The following EXOC4 variants were observed in gnomAD, a reference collection of about 807,000 sequenced individuals.
EXOC4 encodes the protein exocyst complex component 4.
Under a neutral mutation model 107.2 loss-of-function variants are expected in EXOC4, and 71 were observed. The observed-to-expected ratio is 0.66, with a 90% CI of 0.55 to 0.81. EXOC4 has a LOEUF of 0.81. Among genes scored for constraint, EXOC4 ranks in the 30% least tolerant of loss-of-function variants. The pLI is 0.00. For missense variants in EXOC4, 1,108 were observed against 1,189.6 expected (o/e 0.93, Z 1.01); for synonymous variants, 456 against 441.2 (o/e 1.03, Z -0.42).
Position 133,630,079 on chromosome 7 carries a change from A to G in EXOC4, c.1452A>G (p.Gly484=), listed in dbSNP as rs1802553431. ...ATGACAACTTAATTGAAGGTGGAGG[A>G]ACAAAATTTGTCTGCAAACCTGGAG... The part of the protein sequence containing the change: ...GPDDNLIEGG[G]TKFVCKPGAR... The change falls in exon 10 of 18, where the codon GGA becomes GGG. Residue 484 remains glycine (G), a synonymous_variant. Transcript: ENST00000253861. 4 of 1,613,752 alleles carry G rather than the reference A, an allele frequency of 2.5e-6. No individual in the cohort carries two copies. In the African/African-American group the frequency reaches 4.0e-5, roughly 16 times the overall value.
chr7:133,408,535 G>A (rs1044286378), intron 7 of EXOC4, among the ~76,000 whole-genome samples: 1 of 151,910 alleles, frequency 6.6e-6, no homozygotes, highest in South Asian at 2.1e-4. Flanking sequence ...TGGAGTTGAG[G>A]AGGGGGCGGT....
At chr7:134,013,110 T>G (rs569403890) in intron 17 of EXOC4, among the ~76,000 whole-genome samples, 5 of 152,326 alleles carry the variant, frequency 3.3e-5, no homozygotes, top group Non-Finnish European at 5.9e-5. Flanking sequence ...ACGGTAGGGT[T>G]TGATGTCATC....
At chr7:133,959,604 A>G (rs1012298271) in intron 14 of EXOC4, among the ~76,000 whole-genome samples, 6 of 152,032 alleles carry the variant, frequency 3.9e-5, no homozygotes, top group Non-Finnish European at 5.9e-5. Context: ...CTCAAAATGA[A>G]AGGACCCAGT....
chr7:133,553,466 C>G (rs991678794), intron 9 of EXOC4, among the ~76,000 whole-genome samples: 27 of 152,118 alleles, frequency 1.8e-4, no homozygotes, highest in African/African-American at 6.5e-4. Context: ...ATACTCCTTC[C>G]TCCGATTTCA....
At chr7:133,749,961 T>TG (rs1202654792) in intron 10 of EXOC4, among the ~76,000 whole-genome samples, 6 of 143,742 alleles carry the variant, frequency 4.2e-5, no homozygotes, top group African/African-American at 7.7e-5. Context: ...GGCAGTTTTT[T>TG]TTTTTTTTTT....
chr7:133,500,849 T>A (rs911667386), intron 9 of EXOC4, among the ~76,000 whole-genome samples: 1 of 152,208 alleles, frequency 6.6e-6, no homozygotes, highest in African/African-American at 2.4e-5. Context: ...ATATAACATC[T>A]TATTGATGTA....
chr7:133,427,270 C>G (rs1797747966), intron 7 of EXOC4, among the ~76,000 whole-genome samples: 1 of 152,074 alleles, frequency 6.6e-6, no homozygotes, highest in Non-Finnish European at 1.5e-5. Flanking sequence ...GACTCCCAGC[C>G]TTTCTCAGTA....
At chr7:133,850,642 A>G (rs34470225) in intron 11 of EXOC4, among the ~76,000 whole-genome samples, 1 of 147,832 alleles carries the variant, frequency 6.8e-6, no homozygotes, top group African/African-American at 2.5e-5. Context: ...TTACCCCCCC[A>G]CACACACACA....
intron 9 of EXOC4, among the ~76,000 whole-genome samples, chr7:133,518,131 T>C (rs1475566665): frequency 6.6e-6 from 1 of 151,994 alleles, no homozygotes; most frequent in African/African-American, 2.4e-5. Context: ...GCTCAAGCAG[T>C]CTTCACGTTT....
At chr7:133,460,163 A>G (rs575566466) in intron 7 of EXOC4, among the ~76,000 whole-genome samples, 5 of 152,288 alleles carry the variant, frequency 3.3e-5, no homozygotes, top group Non-Finnish European at 5.9e-5. Context: ...ATCATCAGAT[A>G]TTAGTTAGAT....
At chr7:133,690,510 C>G (rs775750101) in intron 10 of EXOC4, among the ~76,000 whole-genome samples, 1 of 152,148 alleles carries the variant, frequency 6.6e-6, no homozygotes, top group Non-Finnish European at 1.5e-5. Context: ...CATTCCTGCT[C>G]TAGGCTTTTT....
chr7:133,473,706 GT>G (rs984238316), intron 7 of EXOC4, among the ~76,000 whole-genome samples: 44 of 144,682 alleles, frequency 3.0e-4, no homozygotes, highest in Admixed American at 3.5e-4. Flanking sequence ...ACTGGGTCTT[GT>G]TTTTTTTTTT....
At position 133,346,981 on chromosome 7, in the gene EXOC4, G is replaced by A. The variant is rs747710859; in HGVS notation, c.764-9349G>A. Among the ~76,000 whole-genome samples, 6 of 152,086 alleles carry A rather than the reference G, an allele frequency of 3.9e-5. No homozygotes were observed. The East Asian group carries it at 5.8e-4, about 15-fold the overall frequency. ...CCCTTATTTTCTGGGGTTTGGTGAC[G>A]TGTATGTGTGGTATGGCATATATTA... On this transcript the variant is annotated intron_variant, in intron 5 of 17. Transcript: ENST00000253861.
intron 11 of EXOC4, among the ~76,000 whole-genome samples, chr7:133,851,106 A>G (rs1371100675): frequency 6.6e-6 from 1 of 152,178 alleles, no homozygotes; most frequent in Admixed American, 6.5e-5. Flanking sequence ...TTAACTTTTT[A>G]TTCAACAAAT....
intron 9 of EXOC4, among the ~76,000 whole-genome samples, chr7:133,565,838 G>T (rs1585001598): frequency 6.6e-6 from 1 of 152,196 alleles, no homozygotes; most frequent in East Asian, 1.9e-4. Flanking sequence ...TCCTACTGGT[G>T]GTTCAGAACA....
intron 14 of EXOC4, among the ~76,000 whole-genome samples, chr7:133,967,934 A>G (rs575176999): frequency 6.6e-6 from 1 of 152,162 alleles, no homozygotes; most frequent in East Asian, 1.9e-4. Flanking sequence ...TGGGGTGTTA[A>G]AGTCTCCCAC....
chr7:133,333,671 CTATT>C (rs547870524), intron 5 of EXOC4, among the ~76,000 whole-genome samples: 55 of 152,230 alleles, frequency 3.6e-4, no homozygotes, highest in Admixed American at 1.3e-3. Flanking sequence ...AGATCTGTAT[CTATT>C]TATTTCTGTA....
chr7:133,888,415 T>G (rs763745184), intron 11 of EXOC4, among the ~76,000 whole-genome samples: 14 of 152,196 alleles, frequency 9.2e-5, no homozygotes, highest in Admixed American at 2.0e-4. Context: ...AAACCAGTTA[T>G]TGACCGAAGG....
At chr7:134,011,338 A>G (rs571624542) in intron 17 of EXOC4, among the ~76,000 whole-genome samples, 77 of 152,098 alleles carry the variant, frequency 5.1e-4, no homozygotes, top group Non-Finnish European at 8.2e-4. Flanking sequence ...CCATTGTTCA[A>G]AAAGAATATC....
Sources: gnomAD v4.1 joint callset for allele counts (sites outside exome capture counted in the v4.1 genomes callset) on GRCh38, gnomAD v4.1.1 for gene constraint, MANE v1.5 for transcripts, NCBI Gene and HGNC (gene_info 2026-07-23, HGNC 2026-07-21) for gene names.